The following CFAP54 variants were observed in gnomAD, a reference collection of about 807,000 sequenced individuals.
CFAP54 encodes cilia- and flagella-associated protein 54.
Under a neutral mutation model 370.4 loss-of-function variants are expected in CFAP54, and 290 were observed. That is an observed-to-expected ratio of 0.78 (90% confidence interval 0.71 to 0.86). The LOEUF is 0.86. Ranked by LOEUF, CFAP54 falls within the 40% of genes least tolerant of loss-of-function variation. CFAP54 has a pLI of 0.00. For synonymous variants in CFAP54, 1,206 were observed against 1,236.5 expected, an observed-to-expected ratio of 0.98 and a Z score of 0.52; for missense variants, 3,399 against 3,528.7, an observed-to-expected ratio of 0.96 and a Z score of 0.93.
chr12:96,848,376 A>G (rs1390631526), intron 66 of CFAP54, among the ~76,000 whole-genome samples: 1 of 152,116 alleles, frequency 6.6e-6, no homozygotes, highest in East Asian at 1.9e-4. Flanking sequence ...CAACCAAAAT[A>G]ATGTTATTTA....
intron 42 of CFAP54, 60 bp downstream of exon 42, chr12:96,685,298 C>T: frequency 6.7e-7 from 1 of 1,499,362 alleles, no homozygotes; most frequent in Non-Finnish European, 9.3e-7. Flanking sequence ...GGGGTGCCCT[C>T]CTGTGCCATA....
At chr12:96,534,320 A>G in intron 11 of CFAP54, 93 bp downstream of exon 11, 1 of 747,742 alleles carries the variant, frequency 1.3e-6, no homozygotes, top group Non-Finnish European at 2.1e-6. Context: ...AGGCGGAGGG[A>G]GCAAGAGGTA....
chr12:96,870,549 G>A (rs1370559007), intron 67 of CFAP54, among the ~76,000 whole-genome samples: 1 of 152,144 alleles, frequency 6.6e-6, no homozygotes. Flanking sequence ...CTAGAACAAT[G>A]TCCAACACAT....
In CFAP54 at chr12:96,742,667, T is replaced by C. The variant is rs7979135; in HGVS notation, c.7219+81T>C. 9,191 of 1,306,150 alleles carry C rather than the reference T, an allele frequency of 7.0e-3. 395 individuals are homozygous for C. The African/African-American group carries it at 0.11, about 15-fold the overall frequency. The allele number at this position is 1,306,150 out of a possible 1,614,324, so 80.9% of individuals were successfully genotyped here. A position where few individuals can be genotyped will look rare whatever the true frequency, so the allele number is the denominator to read the frequency against. On this transcript the variant is annotated intron_variant, in intron 52 of 67. Transcript: ENST00000524981. ...GAGGGGTTTATTGGGATATATTTTA[T>C]TATGTTAATGTTTTATAACTTTCTA...
chr12:96,870,135 C>T (rs1433144800), intron 67 of CFAP54, among the ~76,000 whole-genome samples: 2 of 151,686 alleles, frequency 1.3e-5, no homozygotes, highest in East Asian at 3.9e-4. Context: ...GTGGTGCATG[C>T]CTGTAGTCGC....
intron 22 of CFAP54, among the ~76,000 whole-genome samples, chr12:96,584,523 A>G (rs897977774): frequency 1.3e-5 from 2 of 152,144 alleles, no homozygotes; most frequent in Non-Finnish European, 2.9e-5. Flanking sequence ...CTCATCCTCT[A>G]ACTGAAGATT....
chr12:96,831,048 T>G (rs1959169566), intron 66 of CFAP54, among the ~76,000 whole-genome samples: 2 of 152,200 alleles, frequency 1.3e-5, no homozygotes, highest in South Asian at 4.1e-4. Flanking sequence ...ATATCATTAT[T>G]GTATTTTTAT....
intron 32 of CFAP54, among the ~76,000 whole-genome samples, chr12:96,635,405 G>A (rs535145713): frequency 1.3e-5 from 2 of 152,214 alleles, no homozygotes; most frequent in East Asian, 1.9e-4. Context: ...GTTAAATGAT[G>A]TGTAGTATCT....
intron 40 of CFAP54, among the ~76,000 whole-genome samples, chr12:96,682,919 G>A: frequency 6.6e-6 from 1 of 152,094 alleles, no homozygotes; most frequent in East Asian, 1.9e-4. Flanking sequence ...TCTTTGTGGG[G>A]ATGGAGATGA....
intron 33 of CFAP54, 46 bp from the exon 34 acceptor site, chr12:96,647,829 A>C (rs921959539): frequency 1.4e-6 from 2 of 1,429,162 alleles, no homozygotes; most frequent in East Asian, 5.3e-5. Flanking sequence ...GATTTAATTC[A>C]ATTTTGCTTA....
intron 32 of CFAP54, among the ~76,000 whole-genome samples, chr12:96,641,619 A>T (rs1469138629): frequency 6.6e-6 from 1 of 152,192 alleles, no homozygotes; most frequent in Non-Finnish European, 1.5e-5. Flanking sequence ...CTGTAAAGAC[A>T]CATGCACACG....
In CFAP54 at chr12:96,547,999, A is replaced by C. The variant is rs910545695; in HGVS notation, c.2154+21A>C. 28 of 1,146,524 alleles carry C rather than the reference A, an allele frequency of 2.4e-5. No homozygotes were observed. In the East Asian group the frequency reaches 7.5e-4, roughly 31 times the overall value. 71.0% of individuals were successfully genotyped at this position (1,146,524 alleles called of 1,614,324 possible). A position where few individuals can be genotyped will look rare whatever the true frequency, so the allele number is the denominator to read the frequency against. On this transcript the variant is annotated intron_variant, in intron 15 of 67. Transcript: ENST00000524981. Reference sequence around the variant, plus strand: ...TACAGGTATTACTACATATTTAGAAAATTTAGGTGAAACATGCAATTTTAT... The same window carrying C: ...TACAGGTATTACTACATATTTAGAACATTTAGGTGAAACATGCAATTTTAT...
At chr12:96,762,572 G>A (rs1052183162) in intron 58 of CFAP54, among the ~76,000 whole-genome samples, 1 of 152,140 alleles carries the variant, frequency 6.6e-6, no homozygotes, top group Non-Finnish European at 1.5e-5. Flanking sequence ...CTTTCCATTG[G>A]AGTTGACTTC....
chr12:96,674,336 C>CTTT lies in CFAP54; in HGVS notation c.5564-5250_5564-5248dup, dbSNP rs5800259. On this transcript the variant is annotated intron_variant, in intron 39 of 67. Transcript: ENST00000524981. ...GTACAATGAAAGACACAATGTTTTT[C>CTTT]TTTTTTTTTTTTTTTTGCTTCTTCT... Among the ~76,000 whole-genome samples, 84 of 125,002 alleles carry CTTT rather than the reference C, an allele frequency of 6.7e-4. 2 individuals are homozygous for CTTT. The highest frequency in any genetic ancestry group is 4.8e-3 in the Middle Eastern group (1 of 210). 82.0% of individuals were successfully genotyped at this position (125,002 alleles called of 152,430 possible).
At chr12:96,753,934 T>C in intron 56 of CFAP54, 36 bp downstream of exon 56, 2 of 1,587,132 alleles carry the variant, frequency 1.3e-6, no homozygotes, top group Admixed American at 1.8e-5. Context: ...ATGATAAAAT[T>C]TATGGAATTC....
intron 46 of CFAP54, among the ~76,000 whole-genome samples, chr12:96,703,087 T>A (rs1957509002): frequency 6.6e-6 from 1 of 152,138 alleles, no homozygotes; most frequent in African/African-American, 2.4e-5. Flanking sequence ...AGGGAAAAAT[T>A]TTTAAAACAC....
intron 66 of CFAP54, among the ~76,000 whole-genome samples, chr12:96,857,616 A>T (rs750028078): frequency 1.3e-4 from 20 of 152,268 alleles, no homozygotes; most frequent in Non-Finnish European, 2.4e-4. Context: ...TCAAATTGTA[A>T]TTCCCATGTG....
intron 56 of CFAP54, among the ~76,000 whole-genome samples, chr12:96,754,629 A>AC (rs1406682421): frequency 6.6e-6 from 1 of 152,168 alleles, no homozygotes; most frequent in Non-Finnish European, 1.5e-5. Context: ...TGAGCTCAAC[A>AC]CTGGCCAGCT....
intron 1 of CFAP54, among the ~76,000 whole-genome samples, chr12:96,490,783 TG>T (rs145000178): frequency 0.14 from 20,924 of 152,104 alleles, 1,552 homozygotes; most frequent in Middle Eastern, 0.18. Flanking sequence ...TATCAAGTGC[TG>T]TTCAAGGAAC....
Sources: allele counts gnomAD v4.1 joint callset (sites outside exome capture counted in the v4.1 genomes callset), GRCh38; gene constraint gnomAD v4.1.1; transcripts MANE v1.5; gene names NCBI Gene and HGNC (gene_info 2026-07-23, HGNC 2026-07-21).